The following ATP2B2 variants were observed in gnomAD, a reference collection of about 807,000 sequenced individuals.
The protein encoded by ATP2B2 is ATPase plasma membrane Ca2+ transporting 2, also known as plasma membrane calcium-transporting ATPase 2.
A neutral mutation model predicts 120.0 loss-of-function variants in ATP2B2; 15 were observed. The ratio of observed to expected loss-of-function variants is 0.12; its 90% confidence interval spans 0.08 to 0.19. ATP2B2 has a LOEUF of 0.19. ATP2B2 is among the 10% of genes least tolerant of loss of function. ATP2B2 has a pLI of 1.00. For missense variants in ATP2B2, 1,045 were observed against 1,719.8 expected, an observed-to-expected ratio of 0.61 and a Z score of 6.94; for synonymous variants, 694 against 700.3, an observed-to-expected ratio of 0.99 and a Z score of 0.14.
At chr3:10,473,713 G>T (rs1486961363) in intron 1 of ATP2B2, among the ~76,000 whole-genome samples, 2 of 152,358 alleles carry the variant, frequency 1.3e-5, no homozygotes, top group East Asian at 3.9e-4. Context: ...TGTGCAAAGA[G>T]CTGGGGCAGT....
chr3:10,394,638 G>A, intron 5 of ATP2B2: 1 of 428,914 alleles, frequency 2.3e-6, no homozygotes, highest in Non-Finnish European at 5.0e-6. Context: ...GTGGTGGCAG[G>A]TCCGGCTCTC....
chr3:10,573,078 C>T (rs986745728), intron 2 of ATP2B2, among the ~76,000 whole-genome samples: 2 of 152,002 alleles, frequency 1.3e-5, no homozygotes, highest in Non-Finnish European at 2.9e-5. Flanking sequence ...CCGCAGGTTC[C>T]TTTGACACAA....
chr3:10,587,671 C>T (rs150938858), intron 2 of ATP2B2, among the ~76,000 whole-genome samples: 18 of 152,304 alleles, frequency 1.2e-4, no homozygotes, highest in African/African-American at 1.7e-4. Flanking sequence ...TGAGCCACCG[C>T]GCTGGGCCTA....
At chr3:10,504,074 G>A (rs1377586289) in intron 1 of ATP2B2, among the ~76,000 whole-genome samples, 1 of 152,184 alleles carries the variant, frequency 6.6e-6, no homozygotes, top group Non-Finnish European at 1.5e-5. Context: ...GTGCATATGT[G>A]TGAATTTGTG....
intron 4 of ATP2B2, 88 bp from the exon 5 acceptor site, chr3:10,401,166 G>A: frequency 5.2e-6 from 8 of 1,547,624 alleles, no homozygotes; most frequent in Non-Finnish European, 7.0e-6. Flanking sequence ...TACCAGGGAA[G>A]GTTTGCCATC....
chr3:10,549,158 G>T (rs2067612870), intron 2 of ATP2B2, among the ~76,000 whole-genome samples: 1 of 152,186 alleles, frequency 6.6e-6, no homozygotes, highest in African/African-American at 2.4e-5. Context: ...ATGATTTGTT[G>T]TCTGTCAAAT....
chr3:10,351,244 C>T (rs902676116), intron 14 of ATP2B2, among the ~76,000 whole-genome samples: 8 of 152,304 alleles, frequency 5.3e-5, no homozygotes, highest in African/African-American at 1.7e-4. Context: ...TTCCCAGCCC[C>T]GCCCCACCCT....
At chr3:10,606,912 C>CACACACACACAGAG (rs1405755716) in intron 2 of ATP2B2, among the ~76,000 whole-genome samples, 5 of 62,524 alleles carry the variant, frequency 8.0e-5, no homozygotes, top group African/African-American at 1.9e-4. Context: ...CACACACACA[C>CACACACACACAGAG]AGAGAGAGAG....
chr3:10,353,101 C>T (rs913723082), intron 14 of ATP2B2, among the ~76,000 whole-genome samples: 1 of 152,186 alleles, frequency 6.6e-6, no homozygotes, highest in African/African-American at 2.4e-5. Flanking sequence ...TTAACACAAC[C>T]TTTCTTTTTT....
chr3:10,669,168 C>T (rs1229119248), intron 1 of ATP2B2, among the ~76,000 whole-genome samples: 6 of 152,172 alleles, frequency 3.9e-5, no homozygotes, highest in African/African-American at 1.4e-4. Flanking sequence ...TTGCCAAATG[C>T]TTTTCTCTTC....
intron 2 of ATP2B2, among the ~76,000 whole-genome samples, chr3:10,416,563 T>C (rs2062788320): frequency 1.3e-5 from 2 of 152,026 alleles, no homozygotes; most frequent in Admixed American, 1.3e-4. Flanking sequence ...CCTATTAGAG[T>C]TGGAACTCAT....
At position 10,449,406 on chromosome 3, in the gene ATP2B2, G is replaced by C. The variant is rs1369127683; in HGVS notation, c.138C>G (p.Ile46Met). The change falls in exon 2 of 23, where the codon ATC becomes ATG. Residue 46 changes from isoleucine (I) to methionine (M), a missense_variant. Around this residue, in one of 11 missense-constraint regions of ATP2B2, gnomAD observed 139 missense variants for 134.2 expected, o/e 1.04. Coordinates refer to ENST00000360273, the MANE Select transcript of ATP2B2 (RefSeq NM_001001331.4). ...CTTCGGTGTCCCCATAAGTCTCCTT[G>C]ATCTTGACCACAGCCTCAGTGCCCC... ...ELRGTEAVVK[I>M]KETYGDTEAI... The C allele has an allele frequency of 1.9e-6, 3 of 1,614,232 alleles. No homozygotes were observed. The Admixed American group carries it at 5.0e-5, about 27-fold the overall frequency.
intron 3 of ATP2B2, among the ~76,000 whole-genome samples, chr3:10,403,974 G>A (rs2062321159): frequency 6.6e-6 from 1 of 152,244 alleles, no homozygotes; most frequent in Admixed American, 6.5e-5. Context: ...GAGAACAGAA[G>A]CTTCAAGAGA....
chr3:10,335,435 G>T (rs1164509181), intron 22 of ATP2B2, among the ~76,000 whole-genome samples: 1 of 147,644 alleles, frequency 6.8e-6, no homozygotes, highest in South Asian at 2.2e-4. Context: ...AACTGCTGGG[G>T]TGCAGCGTCT....
intron 1 of ATP2B2, among the ~76,000 whole-genome samples, chr3:10,624,625 G>A (rs1409115628): frequency 6.6e-6 from 1 of 152,190 alleles, no homozygotes; most frequent in Non-Finnish European, 1.5e-5. Flanking sequence ...GGGGACACTA[G>A]CTATAAATAA....
At chr3:10,559,062 A>AAC (rs2067843356) in intron 2 of ATP2B2, among the ~76,000 whole-genome samples, 1 of 152,212 alleles carries the variant, frequency 6.6e-6, no homozygotes, top group South Asian at 2.1e-4. Flanking sequence ...TTCCCTAAGA[A>AAC]ACACTCTCTG....
intron 1 of ATP2B2, among the ~76,000 whole-genome samples, chr3:10,488,348 T>TCCAC (rs1323792541): frequency 6.4e-5 from 9 of 140,308 alleles, no homozygotes; most frequent in East Asian, 4.4e-4. Flanking sequence ...CATCCATCCA[T>TCCAC]TCACTCACCC....
chr3:10,472,080 C>CAAAA (rs55895159), intron 1 of ATP2B2, among the ~76,000 whole-genome samples: 1 of 93,768 alleles, frequency 1.1e-5, no homozygotes, highest in Non-Finnish European at 2.3e-5. Context: ...GACTCCGTCT[C>CAAAA]AAAAAAAAAA....
rs1369514868 is a variant in ATP2B2 at position 10,342,362 on chromosome 3, G to T, written c.2917+390C>A. Among the ~76,000 whole-genome samples, 1 of 152,142 alleles carries T rather than the reference G, an allele frequency of 6.6e-6. No individual in the cohort carries two copies. The highest frequency in any genetic ancestry group is 1.9e-4 in the East Asian group (1 of 5,186). On this transcript the variant is annotated intron_variant, in intron 19 of 22. Transcript: ENST00000360273. The surrounding 1 kb of genome is among the most constrained non-coding windows in gnomAD (Gnocchi z 4.4). The stretch of plus-strand genomic sequence containing the variant: ...CCCTGCCCCAGGAAGCCTTGCTGAG[G>T]GTCCCTTCCACGGGGCCAGGATAAG...
Sources: gnomAD v4.1 joint callset for allele counts (sites outside exome capture counted in the v4.1 genomes callset) on GRCh38, gnomAD v4.1.1 for gene constraint, gnomAD v4.1.1 regional missense constraint, Gnocchi (gnomAD v3.1) non-coding constraint, MANE v1.5 for transcripts, NCBI Gene and HGNC (gene_info 2026-07-23, HGNC 2026-07-21) for gene names.